LDLRAD3: variants seen among roughly 807,000 people sequenced by gnomAD.
LDLRAD3 encodes low density lipoprotein receptor class A domain containing 3.
LDLRAD3 carries 20 observed loss-of-function variants against 29.4 expected under a neutral mutation model. The ratio of observed to expected loss-of-function variants is 0.68; its 90% CI spans 0.48 to 0.99. The LOEUF (loss-of-function observed/expected upper bound fraction) is 0.99. LDLRAD3 is among the 50% of genes least tolerant of loss of function. The pLI, the probability that LDLRAD3 is intolerant of heterozygous loss-of-function variation, is 0.00. For synonymous variants in LDLRAD3, 157 were observed against 192.7 expected (o/e 0.81, Z 1.53); for missense variants, 420 against 454.3 (o/e 0.92, Z 0.69).
intron 1 of LDLRAD3, chr11:35,997,320 A>G (rs1419042640): frequency 4.6e-6 from 2 of 437,848 alleles, no homozygotes; most frequent in East Asian, 1.3e-4. Context: ...CTGGCTAAAG[A>G]TCAGTGCCAC....
chr11:35,995,616 C>T (rs7939424), intron 1 of LDLRAD3, among the ~76,000 whole-genome samples: 7,138 of 152,312 alleles, frequency 0.047, 210 homozygotes, highest in Middle Eastern at 0.092. Flanking sequence ...TTGACTTATT[C>T]TGTCTAGATA....
At chr11:36,080,296 A>G (rs952755497) in intron 2 of LDLRAD3, among the ~76,000 whole-genome samples, 2 of 152,206 alleles carry the variant, frequency 1.3e-5, no homozygotes, top group African/African-American at 4.8e-5. Context: ...TTAACGGGAG[A>G]GTACATTACC....
At chr11:35,969,275 A>G (rs529515432) in intron 1 of LDLRAD3, among the ~76,000 whole-genome samples, 1 of 152,312 alleles carries the variant, frequency 6.6e-6, no homozygotes, top group South Asian at 2.1e-4. Flanking sequence ...ATCTTTGAAC[A>G]GCTGCCCAAG....
intron 2 of LDLRAD3, among the ~76,000 whole-genome samples, chr11:36,077,341 G>C (rs1461129113): frequency 6.6e-6 from 1 of 152,180 alleles, no homozygotes; most frequent in African/African-American, 2.4e-5. Flanking sequence ...ACTGTTACGG[G>C]ATCTTTGGGG....
At chr11:36,128,117 CATAT>C (rs57687795) in intron 4 of LDLRAD3, among the ~76,000 whole-genome samples, 12 of 98,974 alleles carry the variant, frequency 1.2e-4, no homozygotes, top group South Asian at 1.1e-3. Context: ...GTTGTTTTTA[CATAT>C]ATATATATAT....
At chr11:35,975,729 G>A (rs1217677886) in intron 1 of LDLRAD3, among the ~76,000 whole-genome samples, 2 of 152,114 alleles carry the variant, frequency 1.3e-5, no homozygotes, top group African/African-American at 2.4e-5. Context: ...AGGACAGAGA[G>A]GTATAGGATG....
At chr11:35,973,039 C>A (rs541700981) in intron 1 of LDLRAD3, among the ~76,000 whole-genome samples, 4 of 130,098 alleles carry the variant, frequency 3.1e-5, no homozygotes, top group African/African-American at 6.2e-5. Flanking sequence ...GGCAACAGAG[C>A]GAGACTCCAT....
chr11:36,016,965 A>C (rs770427500), intron 1 of LDLRAD3, among the ~76,000 whole-genome samples: 3 of 152,224 alleles, frequency 2.0e-5, no homozygotes, highest in Non-Finnish European at 4.4e-5. Context: ...ATAAAAATAT[A>C]AACTTTACTC....
chr11:35,987,702 T>G (rs1851632000), intron 1 of LDLRAD3, among the ~76,000 whole-genome samples: 1 of 152,226 alleles, frequency 6.6e-6, no homozygotes, highest in Non-Finnish European at 1.5e-5. Flanking sequence ...TTTGCTATTG[T>G]GAATGGTGCT....
chr11:35,956,971 G>A (rs1590681928), intron 1 of LDLRAD3, among the ~76,000 whole-genome samples: 1 of 152,190 alleles, frequency 6.6e-6, no homozygotes, highest in Non-Finnish European at 1.5e-5. Flanking sequence ...TCCTGACCTC[G>A]TGATCCGCCT....
chr11:36,166,405 G>A (rs1049777476), intron 4 of LDLRAD3, among the ~76,000 whole-genome samples: 2 of 152,164 alleles, frequency 1.3e-5, no homozygotes, highest in Non-Finnish European at 2.9e-5. Context: ...CTGGAGGGTG[G>A]AAATGAAATT....
intron 1 of LDLRAD3, among the ~76,000 whole-genome samples, chr11:35,965,937 C>T (rs1466465011): frequency 6.6e-6 from 1 of 152,140 alleles, no homozygotes; most frequent in Non-Finnish European, 1.5e-5. Flanking sequence ...ATAGCAGATC[C>T]TGACTGTTAT....
chr11:36,182,419 G>A (rs187591686), intron 4 of LDLRAD3, among the ~76,000 whole-genome samples: 1 of 152,324 alleles, frequency 6.6e-6, no homozygotes, highest in Admixed American at 6.5e-5. Flanking sequence ...GACTTAGAAA[G>A]TAGAGAAATA....
At chr11:35,949,054 C>A (rs748509452) in intron 1 of LDLRAD3, among the ~76,000 whole-genome samples, 2 of 150,788 alleles carry the variant, frequency 1.3e-5, no homozygotes, top group Non-Finnish European at 2.9e-5. Context: ...TACTGTGCAT[C>A]CTGAGTGTGT....
intron 2 of LDLRAD3, among the ~76,000 whole-genome samples, chr11:36,060,429 G>A (rs1016924251): frequency 1.3e-5 from 2 of 151,682 alleles, no homozygotes; most frequent in African/African-American, 2.4e-5. Context: ...AAGTTGCAGA[G>A]CTGGGGTTTA....
intron 1 of LDLRAD3, among the ~76,000 whole-genome samples, chr11:36,003,249 AGT>A (rs945090935): frequency 5.3e-5 from 8 of 152,164 alleles, no homozygotes; most frequent in African/African-American, 1.9e-4. Context: ...TATTAGAGTG[AGT>A]GTGTGTCACA....
At chr11:36,101,675 A>G (rs935635911) in intron 4 of LDLRAD3, among the ~76,000 whole-genome samples, 2 of 152,014 alleles carry the variant, frequency 1.3e-5, no homozygotes, top group African/African-American at 4.8e-5. Flanking sequence ...AGACTCTGGT[A>G]TTAAGGGTGT....
At chr11:36,025,411 T>C (rs370501237) in intron 1 of LDLRAD3, among the ~76,000 whole-genome samples, 15 of 146,838 alleles carry the variant, frequency 1.0e-4, no homozygotes, top group African/African-American at 3.5e-4. Flanking sequence ...TTTTTTGAGA[T>C]GGAGTCTCGC....
chr11:36,025,389 A>ATT lies in LDLRAD3; in HGVS notation c.47-10698_47-10697dup, dbSNP rs35778261. 6.3e-3 allele frequency among the ~76,000 whole-genome samples: 867 copies of ATT among 138,024 alleles called. 8 individuals carry two copies. Among genetic ancestry groups the ATT allele is most frequent in the Middle Eastern group, 0.045 (12 of 268 alleles). The allele number at this position is 138,024 out of a possible 152,430, so 90.5% of individuals were successfully genotyped here. A position where few individuals can be genotyped will look rare whatever the true frequency, so the allele number is the denominator to read the frequency against. On this transcript the variant is annotated intron_variant, in intron 1 of 5. Transcript: ENST00000315571. The stretch of plus-strand genomic sequence containing the variant: ...TAATATTTTGCCATGCTGGCTTCAG[A>ATT]TTTTTTTTTTTTTTTTTGAGATGGA...
Sources: gnomAD v4.1 joint callset for allele counts (sites outside exome capture counted in the v4.1 genomes callset) on GRCh38, gnomAD v4.1.1 for gene constraint, MANE v1.5 for transcripts, NCBI Gene and HGNC (gene_info 2026-07-23, HGNC 2026-07-21) for gene names.